LRRTM4: variants seen among roughly 807,000 people sequenced by gnomAD.
LRRTM4 encodes leucine-rich repeat transmembrane neuronal protein 4.
In LRRTM4, 25 loss-of-function variants were observed where a neutral mutation model predicts 47.6. The observed-to-expected ratio is 0.53, with a 90% CI of 0.38 to 0.73. The LOEUF (loss-of-function observed/expected upper bound fraction) is 0.73. Ranked by LOEUF, LRRTM4 falls within the 30% of genes least tolerant of loss-of-function variation. The pLI, the probability that LRRTM4 is intolerant of heterozygous loss-of-function variation, is 0.00. For synonymous variants in LRRTM4, 311 were observed against 269.5 expected (o/e 1.15, Z -1.51); for missense variants, 638 against 713.4 (o/e 0.89, Z 1.20).
intron 3 of LRRTM4, among the ~76,000 whole-genome samples, chr2:77,134,238 C>T (rs1348480023): frequency 1.3e-5 from 2 of 151,902 alleles, no homozygotes; most frequent in African/African-American, 2.4e-5. Context: ...TTCAAATTGG[C>T]CAGATTAAAT....
At chr2:77,474,934 T>C (rs1290444776) in intron 3 of LRRTM4, among the ~76,000 whole-genome samples, 1 of 152,100 alleles carries the variant, frequency 6.6e-6, no homozygotes, top group Non-Finnish European at 1.5e-5. Context: ...CATCACAGCA[T>C]GATAATATAC....
At chr2:77,505,218 T>C (rs62159464) in intron 3 of LRRTM4, among the ~76,000 whole-genome samples, 7,867 of 151,094 alleles carry the variant, frequency 0.052, 258 homozygotes, top group Middle Eastern at 0.1. Flanking sequence ...TGAAACAATA[T>C]ATATAAAATT....
At chr2:77,314,798 A>C (rs537445648) in intron 3 of LRRTM4, among the ~76,000 whole-genome samples, 5 of 152,330 alleles carry the variant, frequency 3.3e-5, no homozygotes, top group Non-Finnish European at 7.3e-5. Flanking sequence ...AACCTTACTT[A>C]GAATTTTAAT....
At chr2:77,030,966 T>C (rs954063012) in intron 3 of LRRTM4, among the ~76,000 whole-genome samples, 5 of 152,194 alleles carry the variant, frequency 3.3e-5, no homozygotes, top group African/African-American at 9.6e-5. Flanking sequence ...TCAATGGCTA[T>C]TGATGTAAAT....
In LRRTM4 at chr2:77,455,606, C is replaced by T. The variant is rs559013268; in HGVS notation, c.1551+62712G>A. On this transcript the variant is annotated intron_variant, in intron 3 of 3. Transcript: ENST00000409884. ...TATTCTCAAACCTCTTCTTTTCTCT[C>T]CCTCCTCCTGCACCTCTCTCACCAT... is the stretch of plus-strand genomic sequence containing the variant. Among the ~76,000 whole-genome samples the T allele has an allele frequency of 2.0e-5, 3 of 151,996 alleles. No individual in the cohort carries two copies. The East Asian group carries it at 5.8e-4, about 29-fold the overall frequency.
intron 3 of LRRTM4, among the ~76,000 whole-genome samples, chr2:77,193,685 T>C (rs544729674): frequency 4.6e-5 from 7 of 152,230 alleles, no homozygotes; most frequent in African/African-American, 1.4e-4. Flanking sequence ...TGGCACATGC[T>C]TGTAATCTCA....
At chr2:76,812,377 C>A (rs1387971812) in intron 3 of LRRTM4, among the ~76,000 whole-genome samples, 1 of 152,142 alleles carries the variant, frequency 6.6e-6, no homozygotes, top group Non-Finnish European at 1.5e-5. Flanking sequence ...ATGAAATGCT[C>A]TCTGAGAAGG....
intron 3 of LRRTM4, among the ~76,000 whole-genome samples, chr2:77,414,787 G>A (rs764382509): frequency 4.6e-5 from 7 of 152,154 alleles, no homozygotes; most frequent in Non-Finnish European, 8.8e-5. Context: ...TGTGCCTCCT[G>A]CCCCGCTCTA....
intron 3 of LRRTM4, among the ~76,000 whole-genome samples, chr2:77,444,079 T>C (rs889287494): frequency 1.3e-5 from 2 of 152,100 alleles, no homozygotes; most frequent in African/African-American, 4.8e-5. Flanking sequence ...AAGTAAGAGC[T>C]TAATGTATAC....
At chr2:77,049,125 TA>T (rs1679335485) in intron 3 of LRRTM4, among the ~76,000 whole-genome samples, 2 of 72,568 alleles carry the variant, frequency 2.8e-5, no homozygotes, top group African/African-American at 6.1e-5. Flanking sequence ...TCATTTTTTA[TA>T]TATATATATA....
At position 77,203,722 on chromosome 2, in the gene LRRTM4, T is replaced by C. The variant is rs546561235; in HGVS notation, c.1551+314596A>G. Among the ~76,000 whole-genome samples, 3 of 152,236 alleles carry C rather than the reference T, an allele frequency of 2.0e-5. No individual in the cohort carries two copies. In the East Asian group the frequency reaches 5.8e-4, roughly 29 times the overall value. ...GTGCAGAAGTGTTGTTCAGAGGCAA[T>C]GGATATTCTTCAGAGCAGATGAATA... is the stretch of plus-strand genomic sequence containing the variant. On this transcript the variant is annotated intron_variant, in intron 3 of 3. Coordinates refer to ENST00000409884, the MANE Select transcript of LRRTM4 (RefSeq NM_001134745.3).
chr2:77,352,024 G>A (rs1462508528), intron 3 of LRRTM4, among the ~76,000 whole-genome samples: 1 of 152,058 alleles, frequency 6.6e-6, no homozygotes, highest in Non-Finnish European at 1.5e-5. Context: ...GTAAATTAAA[G>A]TGAGAAATTA....
At chr2:77,162,318 C>T (rs910347745) in intron 3 of LRRTM4, among the ~76,000 whole-genome samples, 3 of 152,134 alleles carry the variant, frequency 2.0e-5, no homozygotes, top group Non-Finnish European at 2.9e-5. Context: ...AACAAAGTGG[C>T]CAGGAATCTC....
intron 3 of LRRTM4, among the ~76,000 whole-genome samples, chr2:76,837,337 GATTC>G (rs1343836060): frequency 2.0e-5 from 3 of 151,996 alleles, no homozygotes; most frequent in African/African-American, 4.8e-5. Flanking sequence ...CCAGCTCCTG[GATTC>G]ATTAATTTTT....
intron 3 of LRRTM4, among the ~76,000 whole-genome samples, chr2:76,972,606 G>C (rs1676260388): frequency 6.6e-6 from 1 of 151,736 alleles, no homozygotes; most frequent in Non-Finnish European, 1.5e-5. Context: ...TTTTAGTAGA[G>C]ATGGTTTTCA....
At chr2:77,362,760 G>A (rs771393550) in intron 3 of LRRTM4, among the ~76,000 whole-genome samples, 24 of 151,890 alleles carry the variant, frequency 1.6e-4, no homozygotes, top group East Asian at 3.9e-4. Flanking sequence ...CTTTTTGTTC[G>A]TAAAAATCAA....
intron 3 of LRRTM4, among the ~76,000 whole-genome samples, chr2:77,398,361 A>C (rs927400170): frequency 4.6e-5 from 7 of 151,898 alleles, no homozygotes; most frequent in African/African-American, 1.5e-4. Context: ...ATTTTAGAGA[A>C]GCAATTAAGC....
At chr2:77,207,372 T>TATATATACACACACAC (rs59335400) in intron 3 of LRRTM4, among the ~76,000 whole-genome samples, 40 of 131,104 alleles carry the variant, frequency 3.1e-4, no homozygotes, top group East Asian at 1.6e-3. Context: ...TATATATATA[T>TATATATACACACACAC]ACACACACAC....
chr2:77,115,711 T>C (rs1431142323), intron 3 of LRRTM4, among the ~76,000 whole-genome samples: 1 of 152,212 alleles, frequency 6.6e-6, no homozygotes, highest in Non-Finnish European at 1.5e-5. Context: ...ACAAAGTATA[T>C]AGATTGACAA....
Sources: allele counts gnomAD v4.1 joint callset (sites outside exome capture counted in the v4.1 genomes callset), GRCh38; gene constraint gnomAD v4.1.1; transcripts MANE v1.5; gene names NCBI Gene and HGNC (gene_info 2026-07-23, HGNC 2026-07-21).